PSMA3: variants seen among roughly 807,000 people sequenced by gnomAD.
PSMA3 encodes the protein proteasome subunit alpha type-3.
In PSMA3, 8 loss-of-function variants were observed where a neutral mutation model predicts 40.0. The observed-to-expected ratio is 0.20, with a 90% CI of 0.12 to 0.36. The LOEUF is 0.36. Among genes scored for constraint, PSMA3 ranks in the 10% least tolerant of loss-of-function variants. PSMA3 has a pLI of 1.00. For synonymous variants in PSMA3, 110 were observed against 100.0 expected (o/e 1.10, Z -0.59); for missense variants, 219 against 310.6 (o/e 0.70, Z 2.22).
Position 58,254,034 on chromosome 14 carries a change from T to C in PSMA3, c.228+1792T>C, listed in dbSNP as rs1890079578. 2.0e-5 allele frequency among the ~76,000 whole-genome samples: 3 copies of C among 152,082 alleles called. No individual in the cohort carries two copies. In the South Asian group the frequency reaches 6.2e-4, roughly 32 times the overall value. The stretch of plus-strand genomic sequence containing the variant: ...AAGCCTAGGACCCAATAGTTATTTT[T>C]TCTGATCCTCTTCCTCCTCCCACCC... On this transcript the variant is annotated intron_variant, in intron 3 of 10. Transcript: ENST00000216455.
At chr14:58,253,136 TAC>T (rs1443536120) in intron 3 of PSMA3, among the ~76,000 whole-genome samples, 1 of 151,824 alleles carries the variant, frequency 6.6e-6, no homozygotes, top group Non-Finnish European at 1.5e-5. Flanking sequence ...AGGTGCCCAC[TAC>T]CATGCCCAGC....
chr14:58,252,821 GA>G (rs11445029), intron 3 of PSMA3, among the ~76,000 whole-genome samples: 46 of 138,260 alleles, frequency 3.3e-4, no homozygotes, highest in Admixed American at 3.6e-4. Flanking sequence ...ACTACTGAAA[GA>G]AAAAAAAAAA....
intron 2 of PSMA3, among the ~76,000 whole-genome samples, chr14:58,248,223 T>G (rs1391388012): frequency 6.6e-6 from 1 of 152,150 alleles, no homozygotes; most frequent in Non-Finnish European, 1.5e-5. Context: ...CAGCAAAGAT[T>G]TTTTCTATGT....
chr14:58,254,127 C>T (rs1890082813), intron 3 of PSMA3, among the ~76,000 whole-genome samples: 1 of 151,130 alleles, frequency 6.6e-6, no homozygotes, highest in Non-Finnish European at 1.5e-5. Context: ...CATCATTTAG[C>T]TTCCACTTAT....
intron 10 of PSMA3, among the ~76,000 whole-genome samples, chr14:58,271,459 A>AATCCTCT (rs1890622795): frequency 1.3e-5 from 2 of 150,550 alleles, no homozygotes; most frequent in Admixed American, 1.3e-4. Context: ...CCTCCCAAGT[A>AATCCTCT]GCTGGGATTA....
At chr14:58,269,734 A>G (rs1890559030) in intron 8 of PSMA3, 2 of 152,184 alleles carry the variant, frequency 1.3e-5, no homozygotes, top group Admixed American at 1.3e-4. Flanking sequence ...TGTCCAGCCA[A>G]TTAGTTGGTT....
At position 58,271,979 on chromosome 14, in the gene PSMA3, A is replaced by G. The variant is rs1177068023; in HGVS notation, c.*84A>G. ...AGCCCTGGATTATACATACTGTCCA[A>G]TTTTCATTAAATTTTTGTCTTATAA... On this transcript the variant is annotated 3_prime_UTR_variant, in exon 11 of 11. Coordinates refer to ENST00000216455, the MANE Select transcript of PSMA3 (RefSeq NM_002788.4). The G allele has an allele frequency of 3.0e-6, 3 of 1,009,798 alleles. No homozygotes were observed. The highest frequency in any genetic ancestry group is 4.5e-6 in the Non-Finnish European group (3 of 673,930). 62.6% of individuals were successfully genotyped at this position (1,009,798 alleles called of 1,614,324 possible).
chr14:58,251,435 A>G (rs1890007795), intron 2 of PSMA3, among the ~76,000 whole-genome samples: 1 of 152,152 alleles, frequency 6.6e-6, no homozygotes, highest in Non-Finnish European at 1.5e-5. Flanking sequence ...ACAGGCGTGT[A>G]CCACCATGCC....
chr14:58,252,822 A>AAT (rs1491230516), intron 3 of PSMA3, among the ~76,000 whole-genome samples: 1 of 13,058 alleles, frequency 7.7e-5, no homozygotes, highest in Non-Finnish European at 1.7e-4. Context: ...CTACTGAAAG[A>AAT]AAAAAAAAAA....
chr14:58,250,246 AGTTTC>A (rs1889979958), intron 2 of PSMA3, among the ~76,000 whole-genome samples: 2 of 124,902 alleles, frequency 1.6e-5, no homozygotes, highest in African/African-American at 2.9e-5. Flanking sequence ...ATAGGGACAG[AGTTTC>A]AAAATGTTGG....
intron 8 of PSMA3, 44 bp downstream of exon 8, chr14:58,267,564 G>C (rs35846334): frequency 0.049 from 76,029 of 1,545,110 alleles, 2,171 homozygotes; most frequent in Non-Finnish European, 0.056. Context: ...TATTTCATTT[G>C]ACCTTTGCAT....
chr14:58,256,443 C>T (rs1325074919), intron 3 of PSMA3, among the ~76,000 whole-genome samples: 18 of 141,934 alleles, frequency 1.3e-4, no homozygotes, highest in African/African-American at 3.2e-4. Flanking sequence ...GAGATGGAGT[C>T]TCGCTCTGTT....
intron 10 of PSMA3, among the ~76,000 whole-genome samples, chr14:58,271,292 G>GT (rs1358018315): frequency 7.0e-6 from 1 of 142,872 alleles, no homozygotes; most frequent in African/African-American, 2.6e-5. Flanking sequence ...ACTGCAAAGA[G>GT]TTTTTTAGGA....
In PSMA3 at chr14:58,248,109, G is replaced by A. The variant is rs552563416; in HGVS notation, c.104+277G>A. 2.0e-5 allele frequency among the ~76,000 whole-genome samples: 3 copies of A among 152,152 alleles called. No individual in the cohort carries two copies. The South Asian group carries it at 6.2e-4, about 32-fold the overall frequency. Reference sequence around the variant, plus strand: ...TTTTCCATTTTCAAATTCTTGATTTGTATCATAGGCTTCCTCAGCCATTAG... The same window carrying A: ...TTTTCCATTTTCAAATTCTTGATTTATATCATAGGCTTCCTCAGCCATTAG... On this transcript the variant is annotated intron_variant, in intron 2 of 10. Transcript: ENST00000216455.
intron 8 of PSMA3, 122 bp downstream of exon 8, chr14:58,267,642 G>A: frequency 7.9e-7 from 1 of 1,273,852 alleles, no homozygotes; most frequent in Non-Finnish European, 1.0e-6. Context: ...TTTTTAGAAG[G>A]TAAATTTAAC....
chr14:58,249,211 C>T (rs1889946235), intron 2 of PSMA3, among the ~76,000 whole-genome samples: 1 of 152,008 alleles, frequency 6.6e-6, no homozygotes, highest in Admixed American at 6.6e-5. Flanking sequence ...CCGCCTGCCT[C>T]AGCCTCCCAA....
intron 3 of PSMA3, among the ~76,000 whole-genome samples, chr14:58,256,174 C>T (rs922201244): frequency 9.9e-5 from 15 of 151,736 alleles, no homozygotes; most frequent in African/African-American, 3.4e-4. Flanking sequence ...AGTTCTAAGC[C>T]GCAAATCTTG....
chr14:58,269,204 T>C (rs1566645561), intron 8 of PSMA3, among the ~76,000 whole-genome samples: 1 of 152,100 alleles, frequency 6.6e-6, no homozygotes, highest in Non-Finnish European at 1.5e-5. Flanking sequence ...AGTGCTGGGA[T>C]TACAGATGTG....
intron 8 of PSMA3, among the ~76,000 whole-genome samples, chr14:58,269,289 G>A (rs113022899): frequency 2.6e-5 from 4 of 152,164 alleles, no homozygotes; most frequent in African/African-American, 9.6e-5. Context: ...CTTCTTTGCT[G>A]TAATTTGTAA....
Sources: allele counts gnomAD v4.1 joint callset (sites outside exome capture counted in the v4.1 genomes callset), GRCh38; gene constraint gnomAD v4.1.1; transcripts MANE v1.5; gene names NCBI Gene and HGNC (gene_info 2026-07-23, HGNC 2026-07-21).